ZFYVE26: variants seen among roughly 807,000 people sequenced by gnomAD.
ZFYVE26 encodes the protein zinc finger FYVE domain-containing protein 26.
Under a neutral mutation model 276.5 loss-of-function variants are expected in ZFYVE26, and 181 were observed. The observed-to-expected ratio is 0.65, with a 90% CI of 0.58 to 0.74. ZFYVE26 has a LOEUF of 0.74. Among genes scored for constraint, ZFYVE26 ranks in the 30% least tolerant of loss-of-function variants. The pLI is 0.00. For synonymous variants in ZFYVE26, 1,129 were observed against 1,203.1 expected, an observed-to-expected ratio of 0.94 and a Z score of 1.27; for missense variants, 2,821 against 3,097.9, an observed-to-expected ratio of 0.91 and a Z score of 2.12.
intron 41 of ZFYVE26, among the ~76,000 whole-genome samples, chr14:67,749,936 A>G (rs1326727911): frequency 6.6e-6 from 1 of 152,216 alleles, no homozygotes. Flanking sequence ...GCAAGCCCCC[A>G]TGGCCTAAGC....
intron 13 of ZFYVE26, chr14:67,733,837 C>A: frequency 6.2e-7 from 1 of 1,611,406 alleles, no homozygotes; most frequent in South Asian, 1.1e-5. Flanking sequence ...TCTAGGAATC[C>A]GGTGGGAGTA....
chr14:67,747,650 A>T lies in ZFYVE26; in HGVS notation c.*786T>A, dbSNP rs886050647. ...GTGCTTGTGAGCACCCGCTCCCCCC[A>T]CCACCCCCCACCGCCTCCCCTGTAT... On this transcript the variant is annotated 3_prime_UTR_variant, in exon 42 of 42. Transcript: ENST00000347230. 13 of 60,988 alleles carry T rather than the reference A, an allele frequency of 2.1e-4. No individual in the cohort carries two copies. Among genetic ancestry groups the T allele is most frequent in the African/African-American group, 6.9e-4 (11 of 16,046 alleles). 3.8% of individuals were successfully genotyped at this position (60,988 alleles called of 1,614,324 possible).
chr14:67,798,303 T>C lies in ZFYVE26; in HGVS notation c.1959A>G (p.Pro653=), dbSNP rs756480987. 6.2e-7 allele frequency: 1 copy of C among 1,613,982 alleles called. No individual in the cohort carries two copies. Among genetic ancestry groups the C allele is most frequent in the Non-Finnish European group, 8.5e-7 (1 of 1,179,976 alleles). Residue 653 remains proline, a synonymous_variant, in exon 11 of 42, where the codon CCA becomes CCG. Coordinates refer to ENST00000347230, the MANE Select transcript of ZFYVE26 (RefSeq NM_015346.4). ...YTMPSHVKAE[P]KDSYPGPHRH... The stretch of plus-strand genomic sequence containing the variant: ...TATGAGGCCCTGGGTAACTGTCTTT[T>C]GGCTCTGCCTTCACATGGCTTGGCA...
chr14:67,766,077 C>T (rs762973218), intron 32 of ZFYVE26, 150 bp downstream of exon 32: 7 of 817,418 alleles, frequency 8.6e-6, no homozygotes, highest in Non-Finnish European at 1.4e-5. Context: ...GATCTGGCAA[C>T]ACCGTTTCAT....
intron 39 of ZFYVE26, among the ~76,000 whole-genome samples, chr14:67,753,493 T>G (rs1426978391): frequency 6.6e-6 from 1 of 152,240 alleles, no homozygotes; most frequent in Admixed American, 6.5e-5. Flanking sequence ...TGGTAGCTTT[T>G]GATGAATTTG....
chr14:67,802,415 G>A (rs1284539822), intron 9 of ZFYVE26, 133 bp from the exon 10 acceptor site: 1 of 885,394 alleles, frequency 1.1e-6, no homozygotes, highest in East Asian at 2.6e-5. Context: ...CTTTCTGTCG[G>A]TCTGATCTGT....
chr14:67,799,666 T>A, intron 10 of ZFYVE26: 1 of 1,247,778 alleles, frequency 8.0e-7, no homozygotes, highest in African/African-American at 1.5e-5. Flanking sequence ...GTAGGCAAGG[T>A]GCTGGCAAGA....
intron 32 of ZFYVE26, among the ~76,000 whole-genome samples, chr14:67,765,030 C>CT (rs935693984): frequency 6.6e-6 from 1 of 151,800 alleles, no homozygotes; most frequent in Non-Finnish European, 1.5e-5. Context: ...TGTTTTCCAT[C>CT]TTTTTTTTCC....
exon 14 of ZFYVE26, chr14:67,729,654 C>A (rs559222003): frequency 3.3e-6 from 2 of 599,318 alleles, no homozygotes; most frequent in South Asian, 1.7e-5. Flanking sequence ...AGAAGACTGT[C>A]GCTGTTGGTT....
chr14:67,787,204 C>T (rs1170988507), intron 16 of ZFYVE26, among the ~76,000 whole-genome samples: 2 of 151,866 alleles, frequency 1.3e-5, no homozygotes, highest in African/African-American at 2.4e-5. Flanking sequence ...ATTAGCTGGG[C>T]GTGGTGGCAC....
At chr14:67,769,263 T>C (rs779764811) in intron 29 of ZFYVE26, among the ~76,000 whole-genome samples, 1 of 152,108 alleles carries the variant, frequency 6.6e-6, no homozygotes, top group Non-Finnish European at 1.5e-5. Flanking sequence ...CTGAGACCAG[T>C]TGAAGCAAGA....
chr14:67,805,024 C>T (rs1040340690), intron 8 of ZFYVE26, among the ~76,000 whole-genome samples, 193 bp downstream of exon 8: 1 of 152,226 alleles, frequency 6.6e-6, no homozygotes, highest in African/African-American at 2.4e-5. Context: ...CAGTTATGAC[C>T]TGATTGTCAT....
At chr14:67,787,833 G>A (rs1176131217) in intron 16 of ZFYVE26, among the ~76,000 whole-genome samples, 2 of 152,208 alleles carry the variant, frequency 1.3e-5, no homozygotes, top group Non-Finnish European at 2.9e-5. Context: ...TTGGAGGGGT[G>A]TATAGAAAAG....
chr14:67,777,635 T>C lies in ZFYVE26; in HGVS notation c.4898A>G (p.Tyr1633Cys), dbSNP rs767917106. Residue 1633 changes from tyrosine (Y) to cysteine (C), a missense_variant, in exon 25 of 42, where the codon TAC becomes TGC. Physicochemically the swap from Tyr to Cys is radical, Grantham distance 194. Coordinates refer to ENST00000347230, the MANE Select transcript of ZFYVE26 (RefSeq NM_015346.4). ...TTGTCCATAGAAGTGGGTGGTGAGG[T>C]AGTTGGCCAAGAAGTGAGAAGTGGC... ...SLATSHFLAN[Y>C]LTTHFYGQLT... The C allele has an allele frequency of 9.3e-6, 15 of 1,613,868 alleles. No homozygotes were observed. The highest frequency in any genetic ancestry group is 1.2e-5 in the Non-Finnish European group (14 of 1,180,002).
chr14:67,808,824 G>A lies in ZFYVE26; in HGVS notation c.363+376C>T, dbSNP rs550808180. The stretch of plus-strand genomic sequence containing the variant: ...AGTAGTAACTGATACATGCTATAAC[G>A]ATATAATTAAGACTTAATTTGAATC... On this transcript the variant is annotated intron_variant, in intron 4 of 41. Coordinates refer to ENST00000347230, the MANE Select transcript of ZFYVE26 (RefSeq NM_015346.4). Among the ~76,000 whole-genome samples the A allele has an allele frequency of 1.4e-4, 22 of 152,080 alleles. No homozygotes were observed. The South Asian group carries it at 3.7e-3, about 26-fold the overall frequency.
At position 67,807,453 on chromosome 14, in the gene ZFYVE26, A is replaced by G. The variant is rs1594938348; in HGVS notation, c.831T>C (p.His277=). 1.9e-6 allele frequency: 3 copies of G among 1,614,174 alleles called. No homozygotes were observed. The East Asian group carries it at 6.7e-5, about 36-fold the overall frequency. ...TTTCTGTGACCTTCTCTGCATAGGT[A>G]TGGCCATACAGGGACAGCAGGCCCC... ...ASRGLLSLYG[H]TYAEKVTEKP... The change falls in exon 5 of 42, where the codon CAT becomes CAC. Residue 277 remains histidine (H), a synonymous_variant. Coordinates refer to ENST00000347230, the MANE Select transcript of ZFYVE26 (RefSeq NM_015346.4).
At chr14:67,782,538 T>G (rs1748440122) in intron 21 of ZFYVE26, among the ~76,000 whole-genome samples, 1 of 152,174 alleles carries the variant, frequency 6.6e-6, no homozygotes, top group South Asian at 2.1e-4. Flanking sequence ...ATATACAGTA[T>G]TGAGAATACT....
chr14:67,775,157 A>T (rs528102687), intron 26 of ZFYVE26, 43 bp from the exon 27 acceptor site: 49 of 1,382,556 alleles, frequency 3.5e-5, no homozygotes, highest in Non-Finnish European at 4.2e-5. Flanking sequence ...TTCTACCATA[A>T]GTATCTTGAT....
At chr14:67,777,974 C>T in intron 24 of ZFYVE26, 152 bp downstream of exon 24, 1 of 1,286,872 alleles carries the variant, frequency 7.8e-7, no homozygotes. Context: ...AGGCTAGGCC[C>T]CTTCTGCTCA....
Sources: allele counts gnomAD v4.1 joint callset (sites outside exome capture counted in the v4.1 genomes callset), GRCh38; gene constraint gnomAD v4.1.1; transcripts MANE v1.5; gene names NCBI Gene and HGNC (gene_info 2026-07-23, HGNC 2026-07-21).